CFAP70: variants seen among roughly 807,000 people sequenced by gnomAD.
CFAP70 encodes cilia and flagella associated protein 70.
A neutral mutation model predicts 137.6 loss-of-function variants in CFAP70; 81 were observed. The ratio of observed to expected loss-of-function variants is 0.59; its 90% CI spans 0.49 to 0.71. CFAP70 has a LOEUF of 0.71. Among genes scored for constraint, CFAP70 ranks in the 30% least tolerant of loss-of-function variants. The probability of loss-of-function intolerance (pLI) is 0.00; values close to 1 mark genes in which losing one functional copy is unlikely to be tolerated. For missense variants in CFAP70, 976 were observed against 1,226.7 expected (o/e 0.80, Z 3.05); for synonymous variants, 382 against 423.6 (o/e 0.90, Z 1.20).
chr10:73,255,252 TG>T (rs1001206540), intron 26 of CFAP70, among the ~76,000 whole-genome samples: 5 of 152,078 alleles, frequency 3.3e-5, no homozygotes, highest in South Asian at 2.1e-4. Flanking sequence ...AAAAATTAGC[TG>T]GGGGCAGTGG....
At chr10:73,256,530 C>T (rs2044513515) in intron 25 of CFAP70, 114 bp from the exon 27 acceptor site, 1 of 1,007,352 alleles carries the variant, frequency 9.9e-7, no homozygotes. Context: ...GGCTTCTACA[C>T]CTTCCAGTTA....
chr10:73,287,856 T>TATCTATC (rs2047858318), intron 19 of CFAP70, among the ~76,000 whole-genome samples: 1 of 124,646 alleles, frequency 8.0e-6, no homozygotes, highest in East Asian at 2.4e-4. Flanking sequence ...TTTTAACATC[T>TATCTATC]ATCTATCTAT....
In CFAP70 at chr10:73,284,737, CACATATAT is replaced by C. The variant is rs1462876054; in HGVS notation, c.2240-6408_2240-6401del. On this transcript the variant is annotated intron_variant, in intron 19 of 26. Transcript: ENST00000310715. ...AGCCTATGGGCCATATATGACCTGC[CACATATAT>C]ATATATATATATATATATATATATA... Among the ~76,000 whole-genome samples the C allele has an allele frequency of 5.3e-4, 32 of 60,084 alleles. 1 individual carries two copies. Among genetic ancestry groups the C allele is most frequent in the African/African-American group, 1.2e-3 (17 of 14,130 alleles). The allele number at this position is 60,084 out of a possible 152,430, so 39.4% of individuals were successfully genotyped here.
chr10:73,360,391 CAGTG>C (rs201293364), upstream of CFAP70, among the ~76,000 whole-genome samples: 41 of 152,268 alleles, frequency 2.7e-4, no homozygotes, highest in East Asian at 7.5e-3. Context: ...CATACACACA[CAGTG>C]AGCAATGGAA....
At chr10:73,312,394 C>G (rs972888905) in intron 10 of CFAP70, 79 bp downstream of exon 11, 3 of 1,035,194 alleles carry the variant, frequency 2.9e-6, no homozygotes, top group Non-Finnish European at 4.2e-6. Flanking sequence ...AACATTGATA[C>G]CAGTCACCAA....
At chr10:73,353,152 T>C (rs2054409861) in intron 3 of CFAP70, among the ~76,000 whole-genome samples, 1 of 152,210 alleles carries the variant, frequency 6.6e-6, no homozygotes, top group Non-Finnish European at 1.5e-5. Context: ...CTTTTTTCTC[T>C]ACCCAGGATC....
intron 4 of CFAP70, among the ~76,000 whole-genome samples, chr10:73,346,425 C>A (rs1204094100): frequency 6.6e-6 from 1 of 151,640 alleles, no homozygotes; most frequent in Admixed American, 6.6e-5. Flanking sequence ...TACCTGAGGT[C>A]AGGAGTTTGA....
At chr10:73,263,842 C>T (rs1350433784) in intron 25 of CFAP70, among the ~76,000 whole-genome samples, 2 of 152,162 alleles carry the variant, frequency 1.3e-5, no homozygotes, top group African/African-American at 2.4e-5. Flanking sequence ...TGATGATTGT[C>T]CACTGAATCT....
At chr10:73,319,220 G>A (rs2050652215) in intron 9 of CFAP70, among the ~76,000 whole-genome samples, 1 of 152,130 alleles carries the variant, frequency 6.6e-6, no homozygotes, top group Non-Finnish European at 1.5e-5. Flanking sequence ...AGACCCCACT[G>A]AGAAACCACT....
intron 19 of CFAP70, among the ~76,000 whole-genome samples, chr10:73,288,246 C>T (rs925591695): frequency 4.6e-5 from 7 of 151,560 alleles, no homozygotes; most frequent in Middle Eastern, 3.2e-3. Flanking sequence ...TTGAAGCATG[C>T]GGGGGAAAAA....
intron 15 of CFAP70, 127 bp from the exon 17 acceptor site, chr10:73,293,515 G>T: frequency 1.3e-6 from 1 of 777,930 alleles, no homozygotes; most frequent in Non-Finnish European, 1.9e-6. Context: ...TGTCTATAAT[G>T]ACAGTCTTGC....
Position 73,334,180 on chromosome 10 carries a change from A to G in CFAP70, c.677+1250T>C, listed in dbSNP as rs116469354. 7.7e-3 allele frequency among the ~76,000 whole-genome samples: 1,176 copies of G among 152,338 alleles called. 14 individuals carry two copies. The highest frequency in any genetic ancestry group is 0.027 in the African/African-American group (1,111 of 41,584). ...TCTAACAACCAGGTCACTGTGATGAAGACTGATAGTTACCTACACAATATC... is the reference window on the plus strand; with the variant it reads ...TCTAACAACCAGGTCACTGTGATGAGGACTGATAGTTACCTACACAATATC... On this transcript the variant is annotated intron_variant, in intron 7 of 26. Coordinates refer to ENST00000310715, the Ensembl canonical transcript of CFAP70.
At chr10:73,335,936 T>G (rs2052607046) in intron 6 of CFAP70, among the ~76,000 whole-genome samples, 1 of 144,458 alleles carries the variant, frequency 6.9e-6, no homozygotes, top group African/African-American at 2.7e-5. Flanking sequence ...AGGCCAGGAG[T>G]TCAAGACCAG....
chr10:73,306,767 A>T (rs1022993106), intron 12 of CFAP70, among the ~76,000 whole-genome samples: 3 of 152,208 alleles, frequency 2.0e-5, no homozygotes, highest in Middle Eastern at 3.2e-3. Context: ...TCAAAAGTGA[A>T]GAAGACATTA....
At chr10:73,333,154 C>G (rs368945151) in intron 7 of CFAP70, among the ~76,000 whole-genome samples, 6 of 152,158 alleles carry the variant, frequency 3.9e-5, no homozygotes, top group African/African-American at 1.2e-4. Flanking sequence ...TATCAGTTGA[C>G]TGGACATGGC....
At chr10:73,297,063 C>T in exon 15 of CFAP70, 2 of 1,613,724 alleles carry the variant, frequency 1.2e-6, no homozygotes, top group Non-Finnish European at 1.7e-6. Flanking sequence ...CTACATGCAT[C>T]TGATCTACTA....
At chr10:73,345,797 CA>C (rs932163360) in intron 4 of CFAP70, among the ~76,000 whole-genome samples, 1 of 150,682 alleles carries the variant, frequency 6.6e-6, no homozygotes, top group Non-Finnish European at 1.5e-5. Flanking sequence ...AACTCCATCT[CA>C]AAAAAAACAA....
chr10:73,311,654 A>G (rs7090009), intron 11 of CFAP70, among the ~76,000 whole-genome samples, 180 bp downstream of exon 12: 16,037 of 152,224 alleles, frequency 0.11, 1,203 homozygotes, highest in East Asian at 0.3. Context: ...ACCTGGCACC[A>G]GTTCACTTTA....
At chr10:73,347,801 T>C (rs543866164) in intron 4 of CFAP70, among the ~76,000 whole-genome samples, 3 of 152,330 alleles carry the variant, frequency 2.0e-5, no homozygotes, top group Admixed American at 6.5e-5. Flanking sequence ...TGCCCTAAAG[T>C]ATATGAGGTG....
Sources: gnomAD v4.1 joint callset for allele counts (sites outside exome capture counted in the v4.1 genomes callset) on GRCh38, gnomAD v4.1.1 for gene constraint, MANE v1.5 for transcripts, NCBI Gene and HGNC (gene_info 2026-07-23, HGNC 2026-07-21) for gene names.